BRD8: variants seen among roughly 807,000 people sequenced by gnomAD.
The protein encoded by BRD8 is bromodomain-containing protein 8.
In BRD8, 67 loss-of-function variants were observed where a neutral mutation model predicts 143.1. The observed-to-expected ratio is 0.47, with a 90% CI of 0.38 to 0.57. The LOEUF is 0.57. Ranked by LOEUF, BRD8 falls within the 20% of genes least tolerant of loss-of-function variation. The pLI, the probability that BRD8 is intolerant of heterozygous loss-of-function variation, is 0.00. For synonymous variants in BRD8, 505 were observed against 517.1 expected, an observed-to-expected ratio of 0.98 and a Z score of 0.32; for missense variants, 1,103 against 1,503.0, an observed-to-expected ratio of 0.73 and a Z score of 4.40.
chr5:138,154,456 C>T (rs1204100019), intron 20 of BRD8, among the ~76,000 whole-genome samples: 1 of 152,184 alleles, frequency 6.6e-6, no homozygotes, highest in East Asian at 1.9e-4. Flanking sequence ...CTTCTCCCAG[C>T]TTTTAGAGCT....
intron 23 of BRD8, among the ~76,000 whole-genome samples, chr5:138,147,676 C>A (rs990532421): frequency 1.3e-5 from 2 of 152,162 alleles, no homozygotes; most frequent in African/African-American, 2.4e-5. Flanking sequence ...GTAGTTCATG[C>A]CTATAATCCC....
At position 138,165,108 on chromosome 5, in the gene BRD8, C is replaced by T; in HGVS notation, c.1337G>A (p.Cys446Tyr). The change falls in exon 12 of 27, where the codon TGT becomes TAT. Residue 446 changes from cysteine to tyrosine, a missense_variant. By Grantham distance (194) the Cys-to-Tyr change is radical (BLOSUM62 -2). Coordinates refer to ENST00000254900, the MANE Select transcript of BRD8 (RefSeq NM_139199.2). ...VAAVEAALSF[C>Y]EENDDPQSLP... ...GGACTGAGGATCATCATTTTCTTCA[C>T]AAAATGACAGTGCTGCTTCCACTGC... 2 of 1,614,110 alleles carry T rather than the reference C, an allele frequency of 1.2e-6. No homozygotes were observed. Among genetic ancestry groups the T allele is most frequent in the African/African-American group, 1.3e-5 (1 of 75,016 alleles).
chr5:138,166,076 C>G lies in BRD8; in HGVS notation c.1030G>C (p.Ala344Pro). Residue 344 changes from alanine (A) to proline (P), a missense_variant, in exon 11 of 27, where the codon GCT (alanine) becomes CCT (proline). By Grantham distance (27) the Ala-to-Pro change is conservative. Around this residue, in one of 7 missense-constraint regions of BRD8, gnomAD observed 334 missense variants for 372.5 expected, o/e 0.90. Coordinates refer to ENST00000254900, the MANE Select transcript of BRD8 (RefSeq NM_139199.2). Reference sequence around the variant, plus strand: ...GTCACAGTATGTGGATCCCCCACAGCCTCCATGGGAACACAGTTGTCGGGT... The same window carrying G: ...GTCACAGTATGTGGATCCCCCACAGGCTCCATGGGAACACAGTTGTCGGGT... ...SQPDNCVPMEAVGDPHTVTVS... is the reference protein window; with the variant it reads ...SQPDNCVPMEPVGDPHTVTVS... 6.2e-7 allele frequency: 1 copy of G among 1,613,650 alleles called. No individual in the cohort carries two copies. Among genetic ancestry groups the G allele is most frequent in the Non-Finnish European group, 8.5e-7 (1 of 1,179,804 alleles).
In BRD8 at chr5:138,170,548, A is replaced by C. The variant is rs1293472107; in HGVS notation, c.441-139T>G. On this transcript the variant is annotated intron_variant, in intron 6 of 26. Coordinates refer to ENST00000254900, the MANE Select transcript of BRD8 (RefSeq NM_139199.2). ...CTAAACAGGAATTCTAACCAGCAAA[A>C]CAGTGAATTGGGGTATACTGCCTAA... 4 of 931,950 alleles carry C rather than the reference A, an allele frequency of 4.3e-6. No homozygotes were observed. The African/African-American group carries it at 4.8e-5, about 11-fold the overall frequency. The allele number at this position is 931,950 out of a possible 1,614,324, so 57.7% of individuals were successfully genotyped here.
At chr5:138,143,292 A>G (rs1454995945) in intron 25 of BRD8, among the ~76,000 whole-genome samples, 6 of 151,986 alleles carry the variant, frequency 3.9e-5, no homozygotes, top group African/African-American at 1.4e-4. Flanking sequence ...TCAAAAAATA[A>G]TAGTAAGTAA....
chr5:138,177,796 G>C, intron 1 of BRD8, 129 bp from the exon 2 acceptor site: 1 of 535,044 alleles, frequency 1.9e-6, no homozygotes. Flanking sequence ...GACAAAGTGA[G>C]CTACTATAAC....
intron 17 of BRD8, chr5:138,161,282 G>C (rs115711453): frequency 2.4e-6 from 1 of 417,356 alleles, no homozygotes; most frequent in Non-Finnish European, 4.2e-6. Flanking sequence ...GTTTATTTAG[G>C]TTTTTTTTGG....
intron 10 of BRD8, 74 bp from the exon 11 acceptor site, chr5:138,166,182 G>A (rs1256777330): frequency 1.2e-5 from 12 of 1,010,276 alleles, no homozygotes; most frequent in East Asian, 2.4e-5. Flanking sequence ...TCACATAAGC[G>A]CTACAGACAG....
chr5:138,140,615 C>T (rs1751864295), intron 26 of BRD8, 90 bp downstream of exon 26: 3 of 1,421,478 alleles, frequency 2.1e-6, no homozygotes, highest in Middle Eastern at 1.7e-4. Flanking sequence ...AAAATAAACT[C>T]TGAGAACACA....
At chr5:138,160,309 A>G (rs540038031) in intron 18 of BRD8, 136 bp from the exon 19 acceptor site, 8 of 639,608 alleles carry the variant, frequency 1.3e-5, no homozygotes, top group Non-Finnish European at 2.2e-5. Flanking sequence ...TTGGAAGTTT[A>G]GCATATTAAG....
chr5:138,168,861 T>C (rs80215059), intron 8 of BRD8, among the ~76,000 whole-genome samples: 4 of 152,194 alleles, frequency 2.6e-5, no homozygotes, highest in Non-Finnish European at 5.9e-5. Context: ...AATCTTCTCT[T>C]TCATCCACTC....
At chr5:138,156,948 T>A in intron 20 of BRD8, 2 of 1,271,064 alleles carry the variant, frequency 1.6e-6, no homozygotes, top group Non-Finnish European at 2.0e-6. Flanking sequence ...TTTTAAAAAG[T>A]CTGTACAATT....
chr5:138,139,873 G>T lies in BRD8; in HGVS notation c.*201C>A. On this transcript the variant is annotated 3_prime_UTR_variant, in exon 27 of 27. Coordinates refer to ENST00000254900, the MANE Select transcript of BRD8 (RefSeq NM_139199.2). ...GAACAAAGATGTGGGCAACATTTAT[G>T]GCATAAATCCAAACCTCAGCTTCCC... 1.9e-6 allele frequency: 1 copy of T among 539,590 alleles called. No individual in the cohort carries two copies. Among genetic ancestry groups the T allele is most frequent in the Non-Finnish European group, 3.3e-6 (1 of 305,074 alleles). 33.4% of individuals were successfully genotyped at this position (539,590 alleles called of 1,614,324 possible). A position where few individuals can be genotyped will look rare whatever the true frequency, so the allele number is the denominator to read the frequency against.
In BRD8 at chr5:138,146,743, C is replaced by T. The variant is rs939955657; in HGVS notation, c.3279-865G>A. Among the ~76,000 whole-genome samples the T allele has an allele frequency of 4.0e-5, 6 of 151,204 alleles. No individual in the cohort carries two copies. The South Asian group carries it at 8.4e-4, about 21-fold the overall frequency. ...CAGCACTTTGGGAGGCCGAGGCAGG[C>T]GGATCACAAGGTCAGGAGATTGAGA... On this transcript the variant is annotated intron_variant, in intron 23 of 26. Coordinates refer to ENST00000254900, the MANE Select transcript of BRD8 (RefSeq NM_139199.2).
chr5:138,148,342 C>G (rs1051792022), intron 23 of BRD8, among the ~76,000 whole-genome samples: 1 of 152,040 alleles, frequency 6.6e-6, no homozygotes, highest in Non-Finnish European at 1.5e-5. Context: ...AGATCACAAA[C>G]TTCAAAATAA....
In BRD8 at chr5:138,166,242, CTA is replaced by C. The variant is rs541034461; in HGVS notation, c.998-136_998-135del. 1.5e-4 allele frequency: 102 copies of C among 697,556 alleles called. No homozygotes were observed. The South Asian group carries it at 1.8e-3, about 13-fold the overall frequency. 43.2% of individuals were successfully genotyped at this position (697,556 alleles called of 1,614,324 possible). On this transcript the variant is annotated intron_variant, in intron 10 of 26. Transcript: ENST00000254900. ...GTCAGAAAGAGTCATCAACATGTGC[CTA>C]TGTTTTCTTCTCCCCAGTTTTATCT... is the stretch of plus-strand genomic sequence containing the variant.
chr5:138,144,914 A>ATATATAT (rs1300352644), intron 25 of BRD8, among the ~76,000 whole-genome samples: 171 of 142,854 alleles, frequency 1.2e-3, no homozygotes, highest in African/African-American at 3.9e-3. Flanking sequence ...AAAAAAAAAA[A>ATATATAT]AAAAATATAT....
In BRD8 at chr5:138,165,726, C is replaced by CAAAAA. The variant is rs374362323; in HGVS notation, c.1278+97_1278+101dup. ...GGATGAAAGAGCAAGACTCTGTCTC[C>CAAAAA]AAAAAAAAAAAAAAAAAAGCAGCAG... is the stretch of plus-strand genomic sequence containing the variant. On this transcript the variant is annotated intron_variant, in intron 11 of 26. Coordinates refer to ENST00000254900, the MANE Select transcript of BRD8 (RefSeq NM_139199.2). The CAAAAA allele has an allele frequency of 4.1e-5, 39 of 946,420 alleles. 1 individual carries two copies. The African/African-American group carries it at 9.7e-4, about 24-fold the overall frequency. The allele number at this position is 946,420 out of a possible 1,614,324, so 58.6% of individuals were successfully genotyped here.
At chr5:138,168,450 AC>A in intron 8 of BRD8, 1 of 1,551,522 alleles carries the variant, frequency 6.4e-7, no homozygotes, top group Non-Finnish European at 8.9e-7. Flanking sequence ...GCTCTCAAAC[AC>A]CCACAGAAGT....
Sources: allele counts gnomAD v4.1 joint callset (sites outside exome capture counted in the v4.1 genomes callset), GRCh38; gene constraint gnomAD v4.1.1; regional missense constraint gnomAD v4.1.1; transcripts MANE v1.5; gene names NCBI Gene and HGNC (gene_info 2026-07-23, HGNC 2026-07-21).